The following TDRD12 variants were observed in gnomAD, a reference collection of about 807,000 sequenced individuals.
TDRD12 encodes the protein tudor domain containing 12, also known as putative ATP-dependent RNA helicase TDRD12.
In TDRD12, 158 loss-of-function variants were observed where a neutral mutation model predicts 133.5. The observed-to-expected ratio is 1.18, with a 90% CI of 1.04 to 1.35. The LOEUF (loss-of-function observed/expected upper bound fraction) is 1.35. Among genes scored for constraint, TDRD12 ranks in the 40% most tolerant of loss-of-function variants. TDRD12 has a pLI of 0.00. For missense variants in TDRD12, 1,443 were observed against 1,321.3 expected (o/e 1.09, Z -1.43); for synonymous variants, 460 against 477.9 (o/e 0.96, Z 0.49).
Position 32,756,269 on chromosome 19 carries a change from C to T in TDRD12, c.772+88C>T, listed in dbSNP as rs1969989614. The T allele has an allele frequency of 1.1e-5, 12 of 1,118,040 alleles. No individual in the cohort carries two copies. In the South Asian group the frequency reaches 2.8e-4, roughly 26 times the overall value. The allele number at this position is 1,118,040 out of a possible 1,614,324, so 69.3% of individuals were successfully genotyped here. A position where few individuals can be genotyped will look rare whatever the true frequency, so the allele number is the denominator to read the frequency against. Reference sequence around the variant, plus strand: ...GATATAAGTTGTACAGACTTTTCCCCACATGGAGACAAAGACTTGGACTCT... The same window carrying T: ...GATATAAGTTGTACAGACTTTTCCCTACATGGAGACAAAGACTTGGACTCT... On this transcript the variant is annotated intron_variant, in intron 7 of 27. Coordinates refer to ENST00000444215, the Ensembl canonical transcript of TDRD12.
intron 3 of TDRD12, among the ~76,000 whole-genome samples, chr19:32,741,261 T>C (rs1386415123): frequency 6.6e-6 from 1 of 152,134 alleles, no homozygotes; most frequent in African/African-American, 2.4e-5. Flanking sequence ...TTTGTATTTT[T>C]AGTAGAGACA....
chr19:32,746,950 G>GAA (rs1555764793), intron 4 of TDRD12, among the ~76,000 whole-genome samples: 1 of 136,204 alleles, frequency 7.3e-6, no homozygotes, highest in South Asian at 2.4e-4. Context: ...GAGAGAGAGA[G>GAA]GGGGAGAGAC....
intron 8 of TDRD12, among the ~76,000 whole-genome samples, chr19:32,771,182 A>G (rs1288447471): frequency 6.6e-6 from 1 of 151,948 alleles, no homozygotes; most frequent in African/African-American, 2.4e-5. Context: ...ATTTATTTAG[A>G]TTTTTTGAGA....
At chr19:32,825,679 C>T (rs560710728), downstream of TDRD12, among the ~76,000 whole-genome samples, 9 of 152,170 alleles carry the variant, frequency 5.9e-5, no homozygotes, top group South Asian at 2.1e-4. This position sits in a 1 kb window ranked among gnomAD's most constrained non-coding sequence, Gnocchi z 4.1. Flanking sequence ...GTCAGGAGTC[C>T]GAGACCAGCC....
chr19:32,771,527 C>G (rs945845407), intron 8 of TDRD12, among the ~76,000 whole-genome samples: 9 of 150,170 alleles, frequency 6.0e-5, no homozygotes, highest in African/African-American at 2.2e-4. Context: ...TTTGAAAGTC[C>G]TTTTCAGACA....
exon 2 of TDRD12, chr19:32,731,831 A>T: frequency 6.4e-7 from 1 of 1,551,158 alleles, no homozygotes. Flanking sequence ...GACTTCTACA[A>T]CAGCACGTGT....
At chr19:32,734,358 C>CCTTTT (rs561259587) in intron 2 of TDRD12, among the ~76,000 whole-genome samples, 61 of 151,486 alleles carry the variant, frequency 4.0e-4, no homozygotes, top group Non-Finnish European at 7.2e-4. Flanking sequence ...TCCTCCTCCT[C>CCTTTT]CTTTTCTTTT....
intron 1 of TDRD12, among the ~76,000 whole-genome samples, chr19:32,726,832 A>G (rs1167413892): frequency 6.6e-6 from 1 of 152,008 alleles, no homozygotes; most frequent in Non-Finnish European, 1.5e-5. Context: ...TTGCTTATCC[A>G]TTTATCTGTT....
intron 11 of TDRD12, among the ~76,000 whole-genome samples, chr19:32,783,593 T>TG (rs138726189): frequency 0.08 from 12,190 of 152,276 alleles, 853 homozygotes; most frequent in East Asian, 0.24. Flanking sequence ...TTCTGATCCA[T>TG]GAGCATGGAA....
At chr19:32,825,153 CTT>C (rs141175765), downstream of TDRD12, among the ~76,000 whole-genome samples, 1,345 of 152,324 alleles carry the variant, frequency 8.8e-3, 9 homozygotes, top group Non-Finnish European at 0.016. This position sits in a 1 kb window ranked among gnomAD's most constrained non-coding sequence, Gnocchi z 4.1. Context: ...TCAGTGCACT[CTT>C]TTCCTGAGGC....
At chr19:32,803,088 A>G (rs907361131) in exon 21 of TDRD12, 5 of 1,535,670 alleles carry the variant, frequency 3.3e-6, no homozygotes, top group Non-Finnish European at 4.4e-6. Flanking sequence ...GCCAAAGAAG[A>G]TAAGAAAGCC....
downstream of TDRD12, chr19:32,826,032 A>G (rs554980460): frequency 4.2e-4 from 501 of 1,188,726 alleles, no homozygotes; most frequent in African/African-American, 6.7e-3. Context: ...GTATATATAT[A>G]TGTGTGTACA....
chr19:32,777,039 C>A, intron 10 of TDRD12, 110 bp from the exon 11 acceptor site: 1 of 711,564 alleles, frequency 1.4e-6, no homozygotes, highest in Non-Finnish European at 2.3e-6. Context: ...TAGGTGCACA[C>A]CACCATGCCC....
intron 2 of TDRD12, among the ~76,000 whole-genome samples, chr19:32,732,969 T>A (rs907758667): frequency 6.6e-6 from 1 of 151,818 alleles, no homozygotes; most frequent in African/African-American, 2.4e-5. Context: ...GCCTAGGAGT[T>A]TTGTGAACAG....
At chr19:32,793,690 G>C (rs1431664556) in intron 13 of TDRD12, among the ~76,000 whole-genome samples, 1 of 152,082 alleles carries the variant, frequency 6.6e-6, no homozygotes, top group Admixed American at 6.5e-5. Flanking sequence ...AGTTTATTAG[G>C]AGAATGAGGA....
chr19:32,758,453 G>A (rs900130726), intron 8 of TDRD12, among the ~76,000 whole-genome samples: 15 of 152,086 alleles, frequency 9.9e-5, no homozygotes, highest in Non-Finnish European at 1.8e-4. Flanking sequence ...AATGCCAAAC[G>A]GAAAGACAGT....
intron 25 of TDRD12, among the ~76,000 whole-genome samples, chr19:32,814,413 A>T (rs142610649): frequency 2.0e-4 from 30 of 152,316 alleles, no homozygotes; most frequent in African/African-American, 6.7e-4. Context: ...CAATTTATAA[A>T]AACTTTTGCT....
At chr19:32,811,971 C>T (rs78597267) in intron 24 of TDRD12, among the ~76,000 whole-genome samples, 1,543 of 152,328 alleles carry the variant, frequency 0.01, 26 homozygotes, top group African/African-American at 0.036. Context: ...CCAGGTGATT[C>T]CACTGGTGCA....
intron 14 of TDRD12, chr19:32,796,332 G>C (rs1360036105): frequency 7.6e-6 from 2 of 263,218 alleles, no homozygotes; most frequent in African/African-American, 4.6e-5. Context: ...GCTCATGCCT[G>C]TAATCCAGCA....
Sources: allele counts gnomAD v4.1 joint callset (sites outside exome capture counted in the v4.1 genomes callset), GRCh38; gene constraint gnomAD v4.1.1; non-coding constraint Gnocchi (gnomAD v3.1); transcripts MANE v1.5; gene names NCBI Gene and HGNC (gene_info 2026-07-23, HGNC 2026-07-21).